The following COL18A1 variants were observed in gnomAD, a reference collection of about 807,000 sequenced individuals.
COL18A1 encodes collagen type XVIII alpha 1 chain.
Under a neutral mutation model 168.0 loss-of-function variants are expected in COL18A1, and 133 were observed. The observed-to-expected ratio is 0.79, with a 90% CI of 0.69 to 0.91. COL18A1 has a LOEUF of 0.91. COL18A1 is among the 40% of genes least tolerant of loss of function. COL18A1 has a pLI of 0.00. For missense variants in COL18A1, 2,126 were observed against 1,925.4 expected, an observed-to-expected ratio of 1.10 and a Z score of -1.95; for synonymous variants, 949 against 809.0, an observed-to-expected ratio of 1.17 and a Z score of -2.94.
chr21:45,475,910 C>T (rs1002006967), intron 5 of COL18A1, among the ~76,000 whole-genome samples: 11 of 152,234 alleles, frequency 7.2e-5, no homozygotes, highest in Non-Finnish European at 1.2e-4. Flanking sequence ...GAGGAGAAGG[C>T]GGCGCAGGGA....
intron 30 of COL18A1, among the ~76,000 whole-genome samples, chr21:45,496,785 C>G (rs9983797): frequency 0.16 from 24,339 of 152,240 alleles, 2,041 homozygotes; most frequent in Admixed American, 0.2. Flanking sequence ...TTCCAGCTGG[C>G]TCTGCTAAGG....
intron 30 of COL18A1, 68 bp from the exon 31 acceptor site, chr21:45,496,982 C>T (rs2036564772): frequency 2.8e-6 from 3 of 1,073,336 alleles, no homozygotes; most frequent in African/African-American, 1.5e-5. Context: ...GCTTGGGGAC[C>T]CCTGAGTGGT....
chr21:45,504,348 G>T, intron 33 of COL18A1, 68 bp from the exon 34 acceptor site: 1 of 1,525,430 alleles, frequency 6.6e-7, no homozygotes, highest in Admixed American at 1.8e-5. Flanking sequence ...CTGGCTCGGG[G>T]GGATGGGAGG....
chr21:45,498,528 T>C lies in COL18A1; in HGVS notation c.2683+867T>C, dbSNP rs1282750006. 2.8e-6 allele frequency: 2 copies of C among 716,424 alleles called. No individual in the cohort carries two copies. The highest frequency in any genetic ancestry group is 5.2e-6 in the Non-Finnish European group (2 of 385,018). The allele number at this position is 716,424 out of a possible 1,614,324, so 44.4% of individuals were successfully genotyped here. A position where few individuals can be genotyped will look rare whatever the true frequency, so the allele number is the denominator to read the frequency against. On this transcript the variant is annotated intron_variant, in intron 32 of 41. Transcript: ENST00000651438. This position sits in a 1 kb window ranked among gnomAD's most constrained non-coding sequence, Gnocchi z 4.5. ...GGGTCCTCTGCAGAGGAGGCCGCCA[T>C]ACCTGCTCTTGCTGGGGCTGCACTC...
intron 2 of COL18A1, among the ~76,000 whole-genome samples, chr21:45,448,237 A>T (rs967189715): frequency 2.0e-5 from 3 of 152,158 alleles, no homozygotes; most frequent in African/African-American, 4.8e-5. Flanking sequence ...ACAAGCAAAC[A>T]CTTGCCACAT....
chr21:45,480,357 C>T lies in COL18A1; in HGVS notation c.1399-110C>T. The T allele has an allele frequency of 3.1e-6, 5 of 1,596,936 alleles. No individual in the cohort carries two copies. The Admixed American group carries it at 8.5e-5, about 27-fold the overall frequency. On this transcript the variant is annotated intron_variant, in intron 11 of 41. Transcript: ENST00000651438. ...GGGCAGCAGAGGGGCCGTGGTTTCT[C>T]AGCTCCTTGTAGAAACAGCTCGATA...
intron 2 of COL18A1, among the ~76,000 whole-genome samples, chr21:45,431,519 AG>A (rs1310073095): frequency 1.1e-4 from 1 of 8,920 alleles, no homozygotes; most frequent in Non-Finnish European, 2.3e-4. Context: ...GGCCCAGGGG[AG>A]GGGGGCAGGC....
intron 14 of COL18A1, chr21:45,482,439 A>G: frequency 1.7e-6 from 1 of 573,160 alleles, no homozygotes. Context: ...CTCAGATGAG[A>G]GCTGCACTGC....
rs570051194 is a variant in COL18A1, at chr21:45,455,904, T to C, written c.107-12338T>C. ...GTGGCCAAAGGCATCCGGAGCTTCG[T>C]CCAGCTGTGGAATGACACTGTCCCC... is the stretch of plus-strand genomic sequence containing the variant. On this transcript the variant is annotated intron_variant, in intron 2 of 41. Coordinates refer to ENST00000651438, the MANE Select transcript of COL18A1 (RefSeq NM_001379500.1). The C allele has an allele frequency of 3.6e-5, 58 of 1,613,012 alleles. 1 individual carries two copies. The South Asian group carries it at 6.4e-4, about 18-fold the overall frequency.
At chr21:45,411,767 G>A (rs753434464) in intron 2 of COL18A1, among the ~76,000 whole-genome samples, 1 of 101,444 alleles carries the variant, frequency 9.9e-6, no homozygotes, top group African/African-American at 5.0e-5. Context: ...GGCGGGGGGT[G>A]GGGGGGGGGC....
intron 2 of COL18A1, among the ~76,000 whole-genome samples, chr21:45,409,162 G>A (rs561937110): frequency 1.3e-5 from 2 of 151,664 alleles, no homozygotes; most frequent in Non-Finnish European, 2.9e-5. Context: ...CACCCTCCAG[G>A]CTGTCTGTTA....
At position 45,457,828 on chromosome 21, in the gene COL18A1, G is replaced by A. The variant is rs940568932; in HGVS notation, c.107-10414G>A. Among the ~76,000 whole-genome samples the A allele has an allele frequency of 6.6e-6, 1 of 152,172 alleles. No homozygotes were observed. Among genetic ancestry groups the A allele is most frequent in the African/African-American group, 2.4e-5 (1 of 41,430 alleles). On this transcript the variant is annotated intron_variant, in intron 2 of 41. Coordinates refer to ENST00000651438, the MANE Select transcript of COL18A1 (RefSeq NM_001379500.1). This position sits in a 1 kb window ranked among gnomAD's most constrained non-coding sequence, Gnocchi z 4.6. ...GCTCTTTGGGCTTTGGGACAGGGTTGGTGGGGGTTAGCAGCTGTGCCGGAC... is the reference window on the plus strand; with the variant it reads ...GCTCTTTGGGCTTTGGGACAGGGTTAGTGGGGGTTAGCAGCTGTGCCGGAC...
chr21:45,504,756 G>A (rs563460482), intron 34 of COL18A1, among the ~76,000 whole-genome samples, 200 bp downstream of exon 34: 27 of 152,178 alleles, frequency 1.8e-4, no homozygotes, highest in South Asian at 8.3e-4. Context: ...GACACCCCCC[G>A]TCCCCCTGCA....
chr21:45,452,456 CAT>C (rs199617616), intron 2 of COL18A1, among the ~76,000 whole-genome samples: 6,814 of 151,824 alleles, frequency 0.045, 230 homozygotes, highest in Non-Finnish European at 0.058. Flanking sequence ...TCACGTGTGA[CAT>C]GTGAGCATAT....
rs2035841525 is a variant in COL18A1, at chr21:45,480,134, C to T, written c.1376C>T (p.Pro459Leu). ...GPQGPPGPPG[P>L]SFRHDKLTFI... ...CAAGGGCCTCCAGGGCCCCCAGGAC[C>T]CTCCTTCAGACACGACAAGCTGGTA... The change falls in exon 11 of 42, where the codon CCC (proline) becomes CTC (leucine). Residue 459 changes from proline to leucine, a missense_variant. By Grantham distance (98) the Pro-to-Leu change is moderately conservative. Coordinates refer to ENST00000651438, the MANE Select transcript of COL18A1 (RefSeq NM_001379500.1). The T allele has an allele frequency of 1.3e-6, 2 of 1,592,786 alleles. No individual in the cohort carries two copies. The highest frequency in any genetic ancestry group is 1.7e-6 in the Non-Finnish European group (2 of 1,161,428).
intron 29 of COL18A1, chr21:45,496,094 C>T (rs2146007030): frequency 2.7e-6 from 1 of 368,004 alleles, no homozygotes; most frequent in Admixed American, 3.7e-5. Flanking sequence ...CCCTCTATGC[C>T]CTCCATGCCC....
chr21:45,443,567 C>T lies in COL18A1; in HGVS notation c.107-24675C>T, dbSNP rs1049056485. Among the ~76,000 whole-genome samples, 3 of 152,104 alleles carry T rather than the reference C, an allele frequency of 2.0e-5. No homozygotes were observed. Among genetic ancestry groups the T allele is most frequent in the Non-Finnish European group, 2.9e-5 (2 of 67,996 alleles). The stretch of plus-strand genomic sequence containing the variant: ...TGGTCTCTCGGGACCTAGGAGGTCC[C>T]GGGGTGTGGACTGTGCTGAACTGTT... On this transcript the variant is annotated intron_variant, in intron 2 of 41. Coordinates refer to ENST00000651438, the MANE Select transcript of COL18A1 (RefSeq NM_001379500.1). The surrounding 1 kb of genome is among the most constrained non-coding windows in gnomAD (Gnocchi z 5.2).
intron 9 of COL18A1, among the ~76,000 whole-genome samples, chr21:45,479,239 TCACA>T (rs1334293890): frequency 2.8e-4 from 43 of 152,042 alleles, no homozygotes; most frequent in African/African-American, 9.4e-4. Context: ...ACAGCACATA[TCACA>T]CACCACACAT....
At chr21:45,440,008 G>GC (rs760003186) in intron 2 of COL18A1, among the ~76,000 whole-genome samples, 5 of 152,270 alleles carry the variant, frequency 3.3e-5, no homozygotes, top group Non-Finnish European at 5.9e-5. Context: ...CTTCTGTGGG[G>GC]CCAGCACCCA....
Sources: allele counts gnomAD v4.1 joint callset (sites outside exome capture counted in the v4.1 genomes callset), GRCh38; gene constraint gnomAD v4.1.1; non-coding constraint Gnocchi (gnomAD v3.1); transcripts MANE v1.5; gene names NCBI Gene and HGNC (gene_info 2026-07-23, HGNC 2026-07-21).